Variants in PGAP4 observed in about 807,000 individuals in gnomAD.
The protein encoded by PGAP4 is GPI-N-acetylgalactosamine transferase PGAP4.
A neutral mutation model predicts 28.2 loss-of-function variants in PGAP4; 12 were observed. The ratio of observed to expected loss-of-function variants is 0.42; its 90% CI spans 0.27 to 0.69. The LOEUF (loss-of-function observed/expected upper bound fraction) is 0.69, where lower values mean the gene tolerates loss of function less well. PGAP4 is among the 30% of genes least tolerant of loss of function. PGAP4 has a pLI of 0.22. For missense variants in PGAP4, 425 were observed against 513.5 expected, an observed-to-expected ratio of 0.83 and a Z score of 1.67; for synonymous variants, 205 against 211.8, an observed-to-expected ratio of 0.97 and a Z score of 0.28.
intron 1 of PGAP4, among the ~76,000 whole-genome samples, chr9:101,477,560 A>G (rs527632851): frequency 6.6e-6 from 1 of 152,332 alleles, no homozygotes; most frequent in African/African-American, 2.4e-5. Flanking sequence ...CTTGGCACAA[A>G]GGAAATATAC....
chr9:101,497,567 G>A (rs1016766506), intron 2 of PGAP4, among the ~76,000 whole-genome samples: 3 of 151,192 alleles, frequency 2.0e-5, no homozygotes, highest in African/African-American at 4.8e-5. Flanking sequence ...AAACATATAT[G>A]TGTGTGTGTG....
intron 2 of PGAP4, among the ~76,000 whole-genome samples, chr9:101,530,380 T>C (rs1453406392): frequency 6.6e-6 from 1 of 152,108 alleles, no homozygotes; most frequent in Non-Finnish European, 1.5e-5. Context: ...CATTAAGTCA[T>C]CATTTGAAAA....
Position 101,475,490 on chromosome 9 carries a change from T to C in PGAP4, c.*391A>G, listed in dbSNP as rs537737053. On this transcript the variant is annotated 3_prime_UTR_variant, in exon 2 of 2. Transcript: ENST00000374848. ...GAACTCAATTCCAAAGGATCTCACC[T>C]TTCACAAAATTCTACCCTTAAGATC... The C allele has an allele frequency of 4.8e-6, 1 of 206,706 alleles. No homozygotes were observed. The highest frequency in any genetic ancestry group is 1.1e-4 in the East Asian group (1 of 9,050). The allele number at this position is 206,706 out of a possible 1,614,324, so 12.8% of individuals were successfully genotyped here. A position where few individuals can be genotyped will look rare whatever the true frequency, so the allele number is the denominator to read the frequency against.
At chr9:101,478,246 G>A (rs1001524803) in intron 1 of PGAP4, among the ~76,000 whole-genome samples, 6 of 152,156 alleles carry the variant, frequency 3.9e-5, no homozygotes, top group Non-Finnish European at 1.5e-5. Context: ...AAGTAAGCAG[G>A]TCTAATATTC....
chr9:101,499,857 A>G (rs1431492696), intron 2 of PGAP4, among the ~76,000 whole-genome samples: 1 of 152,088 alleles, frequency 6.6e-6, no homozygotes, highest in Admixed American at 6.6e-5. Context: ...TAACTTGCAG[A>G]CGCAATGTTC....
chr9:101,494,821 T>C (rs1468438853), intron 2 of PGAP4, among the ~76,000 whole-genome samples: 2 of 151,570 alleles, frequency 1.3e-5, no homozygotes, highest in Non-Finnish European at 3.0e-5. Flanking sequence ...TTATTTTTAC[T>C]GTATGTAGCA....
At chr9:101,502,059 C>A (rs761551661) in intron 2 of PGAP4, among the ~76,000 whole-genome samples, 2 of 152,094 alleles carry the variant, frequency 1.3e-5, no homozygotes, top group Non-Finnish European at 2.9e-5. Flanking sequence ...AGCTTAGAGT[C>A]GCCCTCTTTC....
At chr9:101,529,114 G>A (rs1429051026) in intron 2 of PGAP4, among the ~76,000 whole-genome samples, 1 of 148,874 alleles carries the variant, frequency 6.7e-6, no homozygotes, top group Non-Finnish European at 1.5e-5. Context: ...CAAATGACAT[G>A]ATGTCATTCT....
chr9:101,513,407 T>C (rs1826914867), intron 2 of PGAP4, among the ~76,000 whole-genome samples: 1 of 152,172 alleles, frequency 6.6e-6, no homozygotes, highest in Non-Finnish European at 1.5e-5. Context: ...TTTATCACAG[T>C]AAAACTTTGA....
rs1419606834 is a variant in PGAP4, at chr9:101,498,335, C to T, written c.-164-9135G>A. Among the ~76,000 whole-genome samples, 6 of 151,612 alleles carry T rather than the reference C, an allele frequency of 4.0e-5. No homozygotes were observed. In the East Asian group the frequency reaches 5.8e-4, roughly 15 times the overall value. ...CATGAGGGCAGGGAAGCATTTTAAC[C>T]GTTTTTTTTTAGATTATTAATTTTT... On this transcript the variant is annotated intron_variant, in intron 2 of 3. Transcript: ENST00000374851.
Position 101,475,752 on chromosome 9 carries a change from C to G in PGAP4, c.*129G>C. 9.6e-7 allele frequency: 1 copy of G among 1,045,288 alleles called. No individual in the cohort carries two copies. Among genetic ancestry groups the G allele is most frequent in the Non-Finnish European group, 1.4e-6 (1 of 714,888 alleles). 64.8% of individuals were successfully genotyped at this position (1,045,288 alleles called of 1,614,324 possible). On this transcript the variant is annotated 3_prime_UTR_variant, in exon 2 of 2. Transcript: ENST00000374848. ...CTCTTAACATATTGAGGTTCCTCAG[C>G]TGCCCCAGTGCCTATATCTCTAACA...
intron 1 of PGAP4, among the ~76,000 whole-genome samples, chr9:101,481,775 T>G (rs1826494609): frequency 6.6e-6 from 1 of 152,178 alleles, no homozygotes. Flanking sequence ...ATGTTCTGTG[T>G]TTCCCAAATC....
intron 1 of PGAP4, among the ~76,000 whole-genome samples, chr9:101,481,031 G>T (rs866663462): frequency 6.6e-6 from 1 of 152,062 alleles, no homozygotes; most frequent in South Asian, 2.1e-4. Flanking sequence ...ACAAAAATTA[G>T]CCAGGCATGG....
intron 2 of PGAP4, among the ~76,000 whole-genome samples, chr9:101,525,633 G>A (rs573261891): frequency 6.8e-6 from 1 of 147,454 alleles, no homozygotes; most frequent in African/African-American, 2.5e-5. Context: ...ACTTGAACCC[G>A]AGAGGCGGAG....
Position 101,473,813 on chromosome 9 carries a change from A to T in PGAP4, c.*2068T>A, listed in dbSNP as rs1826221460. 6.6e-6 allele frequency: 1 copy of T among 152,224 alleles called. No homozygotes were observed. Among genetic ancestry groups the T allele is most frequent in the African/African-American group, 2.4e-5 (1 of 41,460 alleles). The allele number at this position is 152,224 out of a possible 1,614,324, so 9.4% of individuals were successfully genotyped here. A position where few individuals can be genotyped will look rare whatever the true frequency, so the allele number is the denominator to read the frequency against. On this transcript the variant is annotated 3_prime_UTR_variant, in exon 2 of 2. Transcript: ENST00000374848. ...ATGCAACAAACTCTAATGAGTTCTAAGTTGGAGAGAGCTCAGTTCTAAAGC... is the reference window on the plus strand; with the variant it reads ...ATGCAACAAACTCTAATGAGTTCTATGTTGGAGAGAGCTCAGTTCTAAAGC...
chr9:101,483,110 T>C (rs1456420868), intron 1 of PGAP4, among the ~76,000 whole-genome samples: 6 of 152,214 alleles, frequency 3.9e-5, no homozygotes, highest in African/African-American at 1.4e-4. Flanking sequence ...CTGATTGGAC[T>C]CTTGAATCCT....
At chr9:101,524,486 C>T (rs1827016243) in intron 2 of PGAP4, among the ~76,000 whole-genome samples, 1 of 152,162 alleles carries the variant, frequency 6.6e-6, no homozygotes, top group Non-Finnish European at 1.5e-5. Flanking sequence ...GAGTTCTGGC[C>T]ACGAGGCTTC....
At chr9:101,533,156 T>G (rs371530502) in exon 1 of PGAP4, 138 of 152,336 alleles carry the variant, frequency 9.1e-4, no homozygotes, top group African/African-American at 3.1e-3. Flanking sequence ...CAGAGACTGA[T>G]TGGCGTTTAT....
rs60850343 is a variant in PGAP4, at chr9:101,510,800, C to T, written c.-165+20548G>A. ...TGAATAAAATAACGGGCGGGCCACA[C>T]GTGGACTAAAATAAGTCTCAGATTC... On this transcript the variant is annotated intron_variant, in intron 2 of 3. Transcript: ENST00000374851. Among the ~76,000 whole-genome samples, 1,087 of 152,230 alleles carry T rather than the reference C, an allele frequency of 7.1e-3. 12 individuals are homozygous for T. Among genetic ancestry groups the T allele is most frequent in the African/African-American group, 0.025 (1,043 of 41,540 alleles).
Sources: allele counts gnomAD v4.1 joint callset (sites outside exome capture counted in the v4.1 genomes callset), GRCh38; gene constraint gnomAD v4.1.1; transcripts MANE v1.5; gene names NCBI Gene and HGNC (gene_info 2026-07-23, HGNC 2026-07-21).